The following GPHN variants were observed in gnomAD, a reference collection of about 807,000 sequenced individuals.
GPHN encodes the protein gephyrin.
GPHN carries 17 observed loss-of-function variants against 95.5 expected under a neutral mutation model. The ratio of observed to expected loss-of-function variants is 0.18; its 90% CI spans 0.12 to 0.27. The LOEUF (loss-of-function observed/expected upper bound fraction) is 0.27, where lower values mean the gene tolerates loss of function less well. Among genes scored for constraint, GPHN ranks in the 10% least tolerant of loss-of-function variants. The probability of loss-of-function intolerance (pLI) is 1.00; values close to 1 mark genes in which losing one functional copy is unlikely to be tolerated. For synonymous variants in GPHN, 320 were observed against 322.5 expected (o/e 0.99, Z 0.08); for missense variants, 660 against 978.1 (o/e 0.67, Z 4.34).
At chr14:67,460,629 G>A in the GPHN span, among the ~76,000 whole-genome samples, 6 of 152,166 alleles carry the variant, frequency 3.9e-5, no homozygotes, top group Non-Finnish European at 8.8e-5. Flanking sequence ...GCTTGAACAC[G>A]GGAGGCAGAG....
At chr14:67,415,023 A>C in the GPHN span, among the ~76,000 whole-genome samples, 1 of 152,230 alleles carries the variant, frequency 6.6e-6, no homozygotes, top group African/African-American at 2.4e-5. Flanking sequence ...GCATCAGAGC[A>C]TCCTGCAGTG....
chr14:67,246,900 C>T, the GPHN span, among the ~76,000 whole-genome samples: 1 of 152,030 alleles, frequency 6.6e-6, no homozygotes, highest in African/African-American at 2.4e-5. Flanking sequence ...TCTGCCTGCC[C>T]CGGCTTCCCA....
chr14:67,167,550 T>C (rs566043508), intron 20 of GPHN, among the ~76,000 whole-genome samples: 1 of 152,208 alleles, frequency 6.6e-6, no homozygotes, highest in Non-Finnish European at 1.5e-5. Flanking sequence ...TAAGCACTTT[T>C]GCAGGTAGAA....
intron 4 of GPHN, among the ~76,000 whole-genome samples, chr14:66,866,015 C>G (rs2063208730): frequency 6.6e-6 from 1 of 152,224 alleles, no homozygotes; most frequent in African/African-American, 2.4e-5. Context: ...GTAGTCATTT[C>G]TACCCATTCT....
chr14:67,636,618 A>G, the GPHN span, among the ~76,000 whole-genome samples: 1 of 152,236 alleles, frequency 6.6e-6, no homozygotes, highest in Non-Finnish European at 1.5e-5. Flanking sequence ...TGGTTGCATC[A>G]TTCTGTTGAT....
chr14:67,578,542 G>C, the GPHN span: 2 of 1,608,858 alleles, frequency 1.2e-6, no homozygotes, highest in East Asian at 4.5e-5. The surrounding 1 kb of genome is among the most constrained non-coding windows in gnomAD (Gnocchi z 5.0). Flanking sequence ...AGTGCTGGCA[G>C]CTCCTCGCTC....
At chr14:67,471,742 C>CCACCCCACCACACCCTG in the GPHN span, 34 of 152,440 alleles carry the variant, frequency 2.2e-4, no homozygotes, top group East Asian at 3.1e-3. Context: ...CAACTGTGGC[C>CCACCCCACCACACCCTG]CACCCCACCA....
chr14:66,745,015 A>G (rs990152859), intron 2 of GPHN, among the ~76,000 whole-genome samples: 21 of 152,144 alleles, frequency 1.4e-4, no homozygotes, highest in Admixed American at 1.3e-3. Flanking sequence ...GCCATTTAAG[A>G]CAAACGTGCC....
At chr14:67,156,927 G>A (rs1008804230) in intron 18 of GPHN, among the ~76,000 whole-genome samples, 5 of 150,662 alleles carry the variant, frequency 3.3e-5, no homozygotes, top group African/African-American at 7.3e-5. Flanking sequence ...AGCCGAGATC[G>A]CGCCACTGCA....
chr14:67,616,861 C>CTATTTT, the GPHN span: 6 of 151,802 alleles, frequency 4.0e-5, no homozygotes, highest in Non-Finnish European at 7.4e-5. Context: ...TCTTTTATTT[C>CTATTTT]TATTTTTATT....
the GPHN span, among the ~76,000 whole-genome samples, chr14:67,287,420 C>A: frequency 6.6e-6 from 1 of 151,740 alleles, no homozygotes; most frequent in South Asian, 2.1e-4. Flanking sequence ...CAGTTAAATT[C>A]TACTTATTAA....
At chr14:67,232,594 T>C in the GPHN span, among the ~76,000 whole-genome samples, 1 of 152,226 alleles carries the variant, frequency 6.6e-6, no homozygotes, top group Non-Finnish European at 1.5e-5. Flanking sequence ...GAGCTTGTCC[T>C]TCTGTGTATA....
chr14:66,579,667 A>G (rs963557639), intron 1 of GPHN, among the ~76,000 whole-genome samples: 1 of 151,838 alleles, frequency 6.6e-6, no homozygotes, highest in Non-Finnish European at 1.5e-5. Context: ...AATTGTAAAC[A>G]GATATGCACC....
At chr14:66,529,849 C>A (rs1270908568) in intron 1 of GPHN, among the ~76,000 whole-genome samples, 9 of 152,270 alleles carry the variant, frequency 5.9e-5, no homozygotes, top group Non-Finnish European at 1.2e-4. Flanking sequence ...AGCTTCATCC[C>A]AGAGGGGCAC....
chr14:67,225,871 G>C, the GPHN span, among the ~76,000 whole-genome samples: 2 of 151,534 alleles, frequency 1.3e-5, no homozygotes, highest in Non-Finnish European at 2.9e-5. Flanking sequence ...TGGAAGCAAT[G>C]CAATTTTAGG....
At chr14:67,095,317 T>C (rs1239971676) in intron 12 of GPHN, among the ~76,000 whole-genome samples, 1 of 152,192 alleles carries the variant, frequency 6.6e-6, no homozygotes, top group African/African-American at 2.4e-5. Context: ...GAATTTAGAA[T>C]CTCACTGTTG....
intron 3 of GPHN, among the ~76,000 whole-genome samples, chr14:66,816,945 T>A (rs2060994482): frequency 6.6e-6 from 1 of 152,170 alleles, no homozygotes. Flanking sequence ...TTCTGTTTGA[T>A]GAGTTGTTTA....
At chr14:67,086,671 C>A (rs1223380147) in intron 11 of GPHN, among the ~76,000 whole-genome samples, 3 of 146,298 alleles carry the variant, frequency 2.1e-5, no homozygotes, top group African/African-American at 5.0e-5. Flanking sequence ...AAAAAAAGTT[C>A]TAAAATCTAG....
chr14:67,034,957 A>G (rs1293451261), intron 10 of GPHN, among the ~76,000 whole-genome samples: 1 of 152,108 alleles, frequency 6.6e-6, no homozygotes, highest in Non-Finnish European at 1.5e-5. Flanking sequence ...AACAATAGTA[A>G]AATACACATT....
Sources: gnomAD v4.1 joint callset for allele counts (sites outside exome capture counted in the v4.1 genomes callset) on GRCh38, gnomAD v4.1.1 for gene constraint, Gnocchi (gnomAD v3.1) non-coding constraint, MANE v1.5 for transcripts, NCBI Gene and HGNC (gene_info 2026-07-23, HGNC 2026-07-21) for gene names.